Variants in ABCC9 observed in about 807,000 individuals in gnomAD.
ABCC9 encodes ATP-binding cassette sub-family C member 9.
In ABCC9, 95 loss-of-function variants were observed where a neutral mutation model predicts 188.3. The observed-to-expected ratio is 0.50, with a 90% CI of 0.43 to 0.60. The LOEUF is 0.60. ABCC9 is among the 20% of genes least tolerant of loss of function. The probability of loss-of-function intolerance (pLI) is 0.00; values close to 1 mark genes in which losing one functional copy is unlikely to be tolerated. For missense variants in ABCC9, 1,102 were observed against 1,876.3 expected, an observed-to-expected ratio of 0.59 and a Z score of 7.62; for synonymous variants, 659 against 652.7, an observed-to-expected ratio of 1.01 and a Z score of -0.15.
intron 21 of ABCC9, among the ~76,000 whole-genome samples, chr12:21,860,674 A>G (rs1327078793): frequency 6.6e-6 from 1 of 152,190 alleles, no homozygotes; most frequent in Non-Finnish European, 1.5e-5. Flanking sequence ...TATTACAGCA[A>G]GCTCCACGTA....
At chr12:21,827,360 A>C in intron 31 of ABCC9, 1 of 968,244 alleles carries the variant, frequency 1.0e-6, no homozygotes, top group Non-Finnish European at 1.2e-6. Context: ...CTCAAGTCCA[A>C]GGCAAATATG....
chr12:21,798,954 G>T lies in ABCC9; in HGVS notation c.*2090C>A, dbSNP rs1242263812. ...GAGTTCATGTCCTTTGTAGGGACAT[G>T]GATGAAACTGGAAACCATCATTCTC... On this transcript the variant is annotated 3_prime_UTR_variant, in exon 40 of 40. Transcript: ENST00000261200. The T allele has an allele frequency of 6.7e-6, 1 of 149,676 alleles. No individual in the cohort carries two copies. The highest frequency in any genetic ancestry group is 2.5e-5 in the African/African-American group (1 of 40,434). The allele number at this position is 149,676 out of a possible 1,614,324, so 9.3% of individuals were successfully genotyped here.
chr12:21,933,234 G>T (rs751657920), intron 4 of ABCC9, among the ~76,000 whole-genome samples: 7 of 151,752 alleles, frequency 4.6e-5, no homozygotes, highest in Non-Finnish European at 1.0e-4. Context: ...GAGGGTGGAG[G>T]GTAGGAGGAG....
chr12:21,903,298 T>C (rs561176424), intron 12 of ABCC9, among the ~76,000 whole-genome samples: 22 of 152,190 alleles, frequency 1.4e-4, no homozygotes, highest in African/African-American at 5.3e-4. Context: ...TAAGAGCTAT[T>C]TATGACAAAC....
intron 1 of ABCC9, 80 bp from the exon 2 acceptor site, chr12:21,940,905 G>A (rs1177680653): frequency 2.0e-5 from 3 of 152,178 alleles, no homozygotes; most frequent in Non-Finnish European, 2.9e-5. Flanking sequence ...CTACAAGAAA[G>A]GCGGTAATAA....
chr12:21,800,788 A>G lies in ABCC9; in HGVS notation c.*256T>C. 2.1e-6 allele frequency: 1 copy of G among 472,144 alleles called. No individual in the cohort carries two copies. Among genetic ancestry groups the G allele is most frequent in the Admixed American group, 3.5e-5 (1 of 28,474 alleles). 29.2% of individuals were successfully genotyped at this position (472,144 alleles called of 1,614,324 possible). ...TAGCTATTGATTTATCACTTAAAGTAGCTTACATGTTTTAATACAACCTAG... is the reference window on the plus strand; with the variant it reads ...TAGCTATTGATTTATCACTTAAAGTGGCTTACATGTTTTAATACAACCTAG... On this transcript the variant is annotated 3_prime_UTR_variant, in exon 40 of 40. Coordinates refer to ENST00000261200, the MANE Select transcript of ABCC9 (RefSeq NM_020297.4).
intron 3 of ABCC9, 62 bp downstream of exon 3, chr12:21,936,471 C>T (rs1949491077): frequency 7.0e-7 from 1 of 1,431,996 alleles, no homozygotes; most frequent in Admixed American, 1.8e-5. Flanking sequence ...TATCCCAAAT[C>T]TCAGCCATTA....
chr12:21,812,434 G>A (rs1328802166), intron 35 of ABCC9, among the ~76,000 whole-genome samples: 2 of 152,082 alleles, frequency 1.3e-5, no homozygotes, highest in Non-Finnish European at 2.9e-5. Context: ...CAATAGCAAA[G>A]ACTTGGAACC....
At chr12:21,914,871 A>G (rs887686899) in intron 7 of ABCC9, among the ~76,000 whole-genome samples, 3 of 151,582 alleles carry the variant, frequency 2.0e-5, no homozygotes, top group African/African-American at 7.3e-5. Context: ...GCTCTTCCTC[A>G]ACCATAGATA....
At chr12:21,806,099 T>G (rs1207310335) in intron 38 of ABCC9, 39 bp from the exon 39 acceptor site, 1 of 1,567,420 alleles carries the variant, frequency 6.4e-7, no homozygotes, top group Non-Finnish European at 8.8e-7. Context: ...TCGGGATTAC[T>G]TTGTCATCAT....
rs151310554 is a variant in ABCC9 at position 21,852,351 on chromosome 12, C to A, written c.2643+17G>T. The A allele has an allele frequency of 1.9e-6, 3 of 1,613,744 alleles. No individual in the cohort carries two copies. The highest frequency in any genetic ancestry group is 2.2e-5 in the East Asian group (1 of 44,850). ...CTATAATATAAAAATGAGCAAAATT[C>A]TCTTCTAAACTCTTACCCAGTCAGC... On this transcript the variant is annotated intron_variant, in intron 23 of 39. Coordinates refer to ENST00000261200, the MANE Select transcript of ABCC9 (RefSeq NM_020297.4).
intron 26 of ABCC9, 53 bp downstream of exon 26, chr12:21,845,548 CTG>C (rs1304688934): frequency 2.2e-6 from 3 of 1,394,198 alleles, no homozygotes; most frequent in Non-Finnish European, 3.0e-6. Flanking sequence ...GAAGGTATCA[CTG>C]TTAATCTCAA....
chr12:21,858,431 T>A (rs1319311085), intron 22 of ABCC9, among the ~76,000 whole-genome samples: 13 of 148,896 alleles, frequency 8.7e-5, no homozygotes, highest in African/African-American at 2.5e-4. Context: ...AAAAAAAAAA[T>A]AGCCAAGTAT....
At chr12:21,879,794 G>A (rs1946534777) in intron 16 of ABCC9, among the ~76,000 whole-genome samples, 1 of 151,736 alleles carries the variant, frequency 6.6e-6, no homozygotes, top group Admixed American at 6.6e-5. Context: ...AAATTCAAAG[G>A]TGTGAGCCCC....
At chr12:21,852,294 G>GA in intron 23 of ABCC9, 72 bp from the exon 24 acceptor site, 1 of 1,613,050 alleles carries the variant, frequency 6.2e-7, no homozygotes, top group Admixed American at 1.7e-5. Context: ...CTTTATTTCA[G>GA]AAAGCATTTT....
chr12:21,865,825 G>T (rs557999849), intron 18 of ABCC9, among the ~76,000 whole-genome samples: 71 of 152,200 alleles, frequency 4.7e-4, no homozygotes, highest in African/African-American at 1.6e-3. Flanking sequence ...ACACGTTAGA[G>T]ATACAGCAAA....
chr12:21,925,335 G>T, intron 5 of ABCC9: 1 of 543,646 alleles, frequency 1.8e-6, no homozygotes, highest in Non-Finnish European at 3.3e-6. Context: ...CACAGAACAA[G>T]GAAGCAAGAG....
chr12:21,884,097 A>T (rs1312982282), intron 15 of ABCC9, among the ~76,000 whole-genome samples: 2 of 150,612 alleles, frequency 1.3e-5, no homozygotes, highest in Non-Finnish European at 3.0e-5. Context: ...TTTGAAACAG[A>T]GTCTCACTCT....
chr12:21,879,388 T>C (rs1472137153), intron 16 of ABCC9, among the ~76,000 whole-genome samples: 1 of 152,156 alleles, frequency 6.6e-6, no homozygotes, highest in Non-Finnish European at 1.5e-5. Context: ...AGTATATGAT[T>C]CCATTTATAT....
Sources: allele counts gnomAD v4.1 joint callset (sites outside exome capture counted in the v4.1 genomes callset), GRCh38; gene constraint gnomAD v4.1.1; transcripts MANE v1.5; gene names NCBI Gene and HGNC (gene_info 2026-07-23, HGNC 2026-07-21).